Variants in ST3GAL5 observed in about 807,000 individuals in gnomAD.
ST3GAL5 encodes the protein ST3 beta-galactoside alpha-2,3-sialyltransferase 5, also known as lactosylceramide alpha-2,3-sialyltransferase.
In ST3GAL5, 25 loss-of-function variants were observed where a neutral mutation model predicts 46.1. The ratio of observed to expected loss-of-function variants is 0.54; its 90% CI spans 0.40 to 0.76. The LOEUF (loss-of-function observed/expected upper bound fraction) is 0.76, where lower values mean the gene tolerates loss of function less well. Among genes scored for constraint, ST3GAL5 ranks in the 30% least tolerant of loss-of-function variants. The pLI is 0.00. For synonymous variants in ST3GAL5, 182 were observed against 192.7 expected, an observed-to-expected ratio of 0.94 and a Z score of 0.46; for missense variants, 431 against 521.2, an observed-to-expected ratio of 0.83 and a Z score of 1.69.
intron 3 of ST3GAL5, chr2:85,850,865 C>A (rs1474987499): frequency 6.6e-6 from 1 of 152,066 alleles, no homozygotes; most frequent in East Asian, 1.9e-4. Flanking sequence ...ATTCCATTTC[C>A]ATTCTCACCA....
intron 1 of ST3GAL5, among the ~76,000 whole-genome samples, chr2:85,877,393 C>T (rs1686695223): frequency 6.6e-6 from 1 of 152,176 alleles, no homozygotes; most frequent in African/African-American, 2.4e-5. Flanking sequence ...CTTTCATGAC[C>T]TTGGCATTTT....
At chr2:85,853,181 C>G (rs1292207215) in intron 3 of ST3GAL5, 13 of 860,554 alleles carry the variant, frequency 1.5e-5, no homozygotes, top group Non-Finnish European at 2.1e-5. Flanking sequence ...GCCCTCGTCT[C>G]TCTTAAAACA....
In ST3GAL5 at chr2:85,853,214, C is replaced by G. The variant is rs111328698; in HGVS notation, c.319-5010G>C. On this transcript the variant is annotated intron_variant, in intron 3 of 6. Transcript: ENST00000638572. ...ACATCTTTTGAGTGCAATTTCACAT[C>G]TGAACCACACTTTCAAAGTGTCCAG... is the stretch of plus-strand genomic sequence containing the variant. 97 of 531,144 alleles carry G rather than the reference C, an allele frequency of 1.8e-4. 3 individuals carry two copies. Among genetic ancestry groups the G allele is most frequent in the African/African-American group, 1.7e-3 (86 of 50,556 alleles). The allele number at this position is 531,144 out of a possible 1,614,324, so 32.9% of individuals were successfully genotyped here.
intron 1 of ST3GAL5, among the ~76,000 whole-genome samples, chr2:85,865,138 A>C (rs1685154809): frequency 6.6e-6 from 1 of 152,248 alleles, no homozygotes; most frequent in East Asian, 1.9e-4. Flanking sequence ...TGTCTTGTTT[A>C]AGGAATGGTT....
At chr2:85,846,910 A>G (rs896377095) in intron 4 of ST3GAL5, 1 of 214,622 alleles carries the variant, frequency 4.7e-6, no homozygotes, top group Non-Finnish European at 9.3e-6. Context: ...TCTTGCCAGA[A>G]TTTCAAAAAA....
intron 3 of ST3GAL5, chr2:85,855,693 A>T (rs1453985266): frequency 1.3e-5 from 2 of 152,250 alleles, no homozygotes; most frequent in African/African-American, 4.8e-5. Flanking sequence ...TGGAAATCAC[A>T]TACCAGATAT....
intron 2 of ST3GAL5, among the ~76,000 whole-genome samples, chr2:85,862,487 C>T (rs932198218): frequency 2.0e-5 from 3 of 146,658 alleles, no homozygotes; most frequent in African/African-American, 7.4e-5. Flanking sequence ...ATACACTTCC[C>T]TTATTTTGAT....
chr2:85,853,021 CGAT>C (rs1165598134), intron 3 of ST3GAL5: 44 of 1,303,608 alleles, frequency 3.4e-5, no homozygotes, highest in Non-Finnish European at 4.3e-5. Context: ...CGAGAGAAGA[CGAT>C]GAAGAAGCGG....
At position 85,844,627 on chromosome 2, in the gene ST3GAL5, C is replaced by T. The variant is rs1203834989; in HGVS notation, c.850-73G>A. The T allele has an allele frequency of 1.0e-5, 16 of 1,599,422 alleles. No individual in the cohort carries two copies. In the Admixed American group the frequency reaches 2.5e-4, roughly 25 times the overall value. ...GAGAAAGCATTCCCACTCATCAGAC[C>T]AAGGCTGTGGGTGTGACCCCATGTG... is the stretch of plus-strand genomic sequence containing the variant. On this transcript the variant is annotated intron_variant, in intron 5 of 6. Transcript: ENST00000638572.
chr2:85,861,223 A>G lies in ST3GAL5; in HGVS notation c.276T>C (p.Cys92=). The G allele has an allele frequency of 1.9e-6, 3 of 1,613,564 alleles. No individual in the cohort carries two copies. The highest frequency in any genetic ancestry group is 2.5e-6 in the Non-Finnish European group (3 of 1,179,644). Residue 92 remains cysteine (C), a synonymous_variant, in exon 3 of 7, where the codon TGT becomes TGC. Transcript: ENST00000638572. ...ILKLNYTTEE[C]DMKKMHYVDP... Reference sequence around the variant, plus strand: ...CCACATAATGCATTTTTTTCATGTCACATTCTTCAGTAGTATAATTTAACT... The same window carrying G: ...CCACATAATGCATTTTTTTCATGTCGCATTCTTCAGTAGTATAATTTAACT...
intron 3 of ST3GAL5, chr2:85,851,139 A>T (rs770880979): frequency 9.0e-5 from 49 of 545,080 alleles, no homozygotes; most frequent in Non-Finnish European, 1.1e-4. Flanking sequence ...CTGGTCTCAA[A>T]CTCCTGACCT....
intron 4 of ST3GAL5, chr2:85,846,819 T>A (rs1425940694): frequency 1.1e-5 from 5 of 446,836 alleles, no homozygotes; most frequent in African/African-American, 7.8e-5. Flanking sequence ...TTTTACTCAA[T>A]CTAAGCATAT....
chr2:85,862,663 G>A (rs1319681134), intron 2 of ST3GAL5, among the ~76,000 whole-genome samples: 1 of 152,162 alleles, frequency 6.6e-6, no homozygotes, highest in Non-Finnish European at 1.5e-5. Flanking sequence ...CCAGCATGAC[G>A]TCATGAACGT....
chr2:85,856,941 A>T (rs1043900689), intron 3 of ST3GAL5, among the ~76,000 whole-genome samples: 1 of 150,342 alleles, frequency 6.7e-6, no homozygotes, highest in African/African-American at 2.4e-5. Flanking sequence ...TTTTAAGGGC[A>T]GGGCATGGTG....
At chr2:85,841,121 G>T (rs900350834) in intron 6 of ST3GAL5, among the ~76,000 whole-genome samples, 11 of 151,168 alleles carry the variant, frequency 7.3e-5, no homozygotes, top group African/African-American at 1.2e-4. Context: ...GACCTTCCAC[G>T]GTCCTTCCCA....
intron 3 of ST3GAL5, among the ~76,000 whole-genome samples, chr2:85,857,554 AGAG>A (rs1383600443): frequency 3.3e-5 from 5 of 150,232 alleles, no homozygotes; most frequent in African/African-American, 9.8e-5. Context: ...AAAAAAAAAA[AGAG>A]AAAAGGAAAG....
intron 1 of ST3GAL5, chr2:85,868,073 C>T (rs1386330031): frequency 4.7e-6 from 1 of 211,758 alleles, no homozygotes; most frequent in Non-Finnish European, 9.8e-6. Context: ...GAACAACAGA[C>T]AAACGGCAGA....
At chr2:85,842,114 AT>A (rs1448085785) in intron 6 of ST3GAL5, among the ~76,000 whole-genome samples, 1 of 152,206 alleles carries the variant, frequency 6.6e-6, no homozygotes, top group Non-Finnish European at 1.5e-5. Context: ...TGAAGCCATC[AT>A]TTGTTAAAAT....
intron 1 of ST3GAL5, among the ~76,000 whole-genome samples, chr2:85,865,625 AC>A (rs1335840265): frequency 6.6e-6 from 1 of 152,204 alleles, no homozygotes; most frequent in Non-Finnish European, 1.5e-5. Context: ...TCAGCAGGCT[AC>A]CTGTAGCCTG....
Sources: allele counts gnomAD v4.1 joint callset (sites outside exome capture counted in the v4.1 genomes callset), GRCh38; gene constraint gnomAD v4.1.1; transcripts MANE v1.5; gene names NCBI Gene and HGNC (gene_info 2026-07-23, HGNC 2026-07-21).